Variants in SND1 observed in about 807,000 individuals in gnomAD.
The protein encoded by SND1 is staphylococcal nuclease and tudor domain containing 1.
A neutral mutation model predicts 121.7 loss-of-function variants in SND1; 38 were observed. The observed-to-expected ratio is 0.31, with a 90% CI of 0.24 to 0.41. The LOEUF is 0.41. Among genes scored for constraint, SND1 ranks in the 10% least tolerant of loss-of-function variants. The probability of loss-of-function intolerance (pLI) is 1.00; values close to 1 mark genes in which losing one functional copy is unlikely to be tolerated. For synonymous variants in SND1, 401 were observed against 447.4 expected (o/e 0.90, Z 1.31); for missense variants, 868 against 1,184.6 (o/e 0.73, Z 3.92).
chr7:127,760,420 A>G (rs1584552912), intron 10 of SND1, among the ~76,000 whole-genome samples: 1 of 152,204 alleles, frequency 6.6e-6, no homozygotes, highest in Admixed American at 6.5e-5. Context: ...GTTGAATAAG[A>G]TAACACATAG....
In SND1 at chr7:128,015,783, T is replaced by C. The variant is rs926757938; in HGVS notation, c.1779+24727T>C. Among the ~76,000 whole-genome samples, 3 of 152,084 alleles carry C rather than the reference T, an allele frequency of 2.0e-5. No individual in the cohort carries two copies. The highest frequency in any genetic ancestry group is 2.9e-5 in the Non-Finnish European group (2 of 68,004). ...TGGCTTCTTGGTGAGCAGCAGAAAT[T>C]TGGAGCTGTACAGGAATCAGATGTC... On this transcript the variant is annotated intron_variant, in intron 16 of 23. Coordinates refer to ENST00000354725, the MANE Select transcript of SND1 (RefSeq NM_014390.4). This position sits in a 1 kb window ranked among gnomAD's most constrained non-coding sequence, Gnocchi z 4.5.
chr7:127,719,325 CT>C (rs1406379860), intron 9 of SND1, among the ~76,000 whole-genome samples: 1 of 152,114 alleles, frequency 6.6e-6, no homozygotes, highest in Non-Finnish European at 1.5e-5. Flanking sequence ...ATAAGATGTA[CT>C]CTATTTTTTC....
chr7:127,752,558 A>G (rs1797115440), intron 10 of SND1, among the ~76,000 whole-genome samples: 1 of 152,198 alleles, frequency 6.6e-6, no homozygotes, highest in South Asian at 2.1e-4. Flanking sequence ...GGAATTTAAA[A>G]AGTATAATGC....
intron 10 of SND1, among the ~76,000 whole-genome samples, chr7:127,736,758 TC>T (rs897062837): frequency 2.6e-5 from 4 of 152,176 alleles, no homozygotes; most frequent in African/African-American, 4.8e-5. Flanking sequence ...AGAATGCCCA[TC>T]CCCCCAAACA....
intron 9 of SND1, among the ~76,000 whole-genome samples, 170 bp from the exon 10 acceptor site, chr7:127,721,117 T>C (rs757286112): frequency 1.3e-5 from 2 of 152,180 alleles, no homozygotes; most frequent in Non-Finnish European, 2.9e-5. Flanking sequence ...TGGGAACTGA[T>C]AATTATAGCA....
At chr7:127,697,782 G>T (rs1049574016) in intron 3 of SND1, among the ~76,000 whole-genome samples, 7 of 152,224 alleles carry the variant, frequency 4.6e-5, no homozygotes, top group African/African-American at 1.7e-4. Flanking sequence ...GGTTGGGCTT[G>T]TGGGGCGGTG....
intron 16 of SND1, among the ~76,000 whole-genome samples, chr7:128,053,058 T>C (rs2117023206): frequency 6.6e-6 from 1 of 152,350 alleles, no homozygotes; most frequent in South Asian, 2.1e-4. Flanking sequence ...CCAGATTAAA[T>C]AGTGTGTTGC....
chr7:127,728,298 A>G (rs553203767), intron 10 of SND1, among the ~76,000 whole-genome samples: 1 of 152,120 alleles, frequency 6.6e-6, no homozygotes, highest in African/African-American at 2.4e-5. Flanking sequence ...ATTTACTTCT[A>G]TCAATCCATA....
intron 15 of SND1, among the ~76,000 whole-genome samples, chr7:127,951,326 A>G (rs1430151370): frequency 6.6e-6 from 1 of 152,212 alleles, no homozygotes; most frequent in African/African-American, 2.4e-5. Flanking sequence ...CAGTCGCAGG[A>G]CAAATATTGC....
At chr7:127,789,305 T>A (rs1797868828) in intron 10 of SND1, among the ~76,000 whole-genome samples, 1 of 152,184 alleles carries the variant, frequency 6.6e-6, no homozygotes, top group Admixed American at 6.5e-5. Context: ...TTAACCCAGT[T>A]AAGAAGCTTA....
In SND1 at chr7:128,002,664, T is replaced by G. The variant is rs114150055; in HGVS notation, c.1779+11608T>G. On this transcript the variant is annotated intron_variant, in intron 16 of 23. Coordinates refer to ENST00000354725, the MANE Select transcript of SND1 (RefSeq NM_014390.4). Reference sequence around the variant, plus strand: ...ACTAATCTGCCAACAGTGAGGGCTCTCTGCTTTTTCTGTTGATGCAGGTCC... The same window carrying G: ...ACTAATCTGCCAACAGTGAGGGCTCGCTGCTTTTTCTGTTGATGCAGGTCC... 2.5e-3 allele frequency among the ~76,000 whole-genome samples: 388 copies of G among 152,338 alleles called. 4 individuals carry two copies. The highest frequency in any genetic ancestry group is 9.1e-3 in the African/African-American group (380 of 41,582).
intron 10 of SND1, among the ~76,000 whole-genome samples, chr7:127,726,831 G>A (rs1796590174): frequency 6.6e-6 from 1 of 152,218 alleles, no homozygotes; most frequent in South Asian, 2.1e-4. Context: ...ATCCCCAGGT[G>A]TATAAAATTT....
At chr7:127,992,196 C>T (rs1367774981) in intron 16 of SND1, among the ~76,000 whole-genome samples, 1 of 152,124 alleles carries the variant, frequency 6.6e-6, no homozygotes, top group African/African-American at 2.4e-5. Context: ...ACATTGCCCT[C>T]CATTTTATTT....
In SND1 at chr7:128,074,645, G is replaced by A; in HGVS notation, c.1923G>A (p.Lys641=). 2 of 1,613,792 alleles carry A rather than the reference G, an allele frequency of 1.2e-6. No homozygotes were observed. The highest frequency in any genetic ancestry group is 1.3e-5 in the African/African-American group (1 of 75,066). Residue 641 remains lysine (K), a synonymous_variant, in exon 17 of 24, where the codon AAG becomes AAA. Transcript: ENST00000354725. Reference sequence around the variant, plus strand: ...CCGCCGAACGCAGCTCCTACTACAAGTCCCTGCTGTCTGCCGAGGAGGCCG... The same window carrying A: ...CCGCCGAACGCAGCTCCTACTACAAATCCCTGCTGTCTGCCGAGGAGGCCG... ...HFTAERSSYY[K]SLLSAEEAAK... is the part of the protein sequence containing the mutation.
chr7:128,089,954 C>G, intron 22 of SND1: 4 of 458,740 alleles, frequency 8.7e-6, no homozygotes, highest in Non-Finnish European at 1.6e-5. Flanking sequence ...CCCCAGGTGA[C>G]AGGCGAGAAA....
intron 13 of SND1, among the ~76,000 whole-genome samples, chr7:127,898,100 C>A (rs1800155228): frequency 6.6e-6 from 1 of 152,106 alleles, no homozygotes; most frequent in Admixed American, 6.5e-5. Flanking sequence ...GTTGGTTGTT[C>A]TCTGCCTTGG....
At chr7:128,012,267 C>T (rs535350675) in intron 16 of SND1, among the ~76,000 whole-genome samples, 2 of 152,224 alleles carry the variant, frequency 1.3e-5, no homozygotes, top group Admixed American at 6.5e-5. Context: ...ACTTCAGGAG[C>T]GTACAACTAG....
chr7:127,772,437 C>A (rs1384440165), intron 10 of SND1, among the ~76,000 whole-genome samples: 1 of 152,156 alleles, frequency 6.6e-6, no homozygotes, highest in Non-Finnish European at 1.5e-5. Flanking sequence ...CACACACACA[C>A]CCCAAAAACA....
chr7:128,079,863 C>A (rs573088549), intron 17 of SND1, among the ~76,000 whole-genome samples: 2 of 152,298 alleles, frequency 1.3e-5, no homozygotes, highest in East Asian at 3.9e-4. Context: ...CCCCACCCCC[C>A]ACCAACAAAC....
Sources: allele counts gnomAD v4.1 joint callset (sites outside exome capture counted in the v4.1 genomes callset), GRCh38; gene constraint gnomAD v4.1.1; non-coding constraint Gnocchi (gnomAD v3.1); transcripts MANE v1.5; gene names NCBI Gene and HGNC (gene_info 2026-07-23, HGNC 2026-07-21).